Variants in INTS7 observed in about 807,000 individuals in gnomAD.
INTS7 encodes the protein chromosome 1 open reading frame 73.
Under a neutral mutation model 109.2 loss-of-function variants are expected in INTS7, and 46 were observed. That is an observed-to-expected ratio of 0.42 (90% CI 0.33 to 0.54). The LOEUF is 0.54. Ranked by LOEUF, INTS7 falls within the 20% of genes least tolerant of loss-of-function variation. The pLI is 0.07. For missense variants in INTS7, 929 were observed against 1,132.4 expected, an observed-to-expected ratio of 0.82 and a Z score of 2.58; for synonymous variants, 412 against 402.9, an observed-to-expected ratio of 1.02 and a Z score of -0.27.
At chr1:211,957,231 A>G (rs775864036) in intron 16 of INTS7, among the ~76,000 whole-genome samples, 1 of 152,150 alleles carries the variant, frequency 6.6e-6, no homozygotes, top group Non-Finnish European at 1.5e-5. Flanking sequence ...GAAGTGTCCA[A>G]AACTCTTACC....
intron 6 of INTS7, among the ~76,000 whole-genome samples, 157 bp downstream of exon 6, chr1:212,007,093 G>A (rs558927102): frequency 2.6e-4 from 40 of 151,656 alleles, no homozygotes; most frequent in Non-Finnish European, 5.2e-4. Context: ...TGTGAACAGA[G>A]AGAATAAAAA....
In INTS7 at chr1:211,942,637, T is replaced by C. The variant is rs1324725674; in HGVS notation, c.2602-526A>G. Among the ~76,000 whole-genome samples, 1 of 152,268 alleles carries C rather than the reference T, an allele frequency of 6.6e-6. No individual in the cohort carries two copies. The highest frequency in any genetic ancestry group is 2.1e-4 in the South Asian group (1 of 4,834). On this transcript the variant is annotated intron_variant, in intron 19 of 19. Transcript: ENST00000366994. This position sits in a 1 kb window ranked among gnomAD's most constrained non-coding sequence, Gnocchi z 4.2. ...GTCTGATTTTTATTACTTAATGTAG[T>C]GATTCCTTACTCCTTTAACAAATTA...
At chr1:211,944,754 T>C (rs1357291997) in intron 19 of INTS7, 30 bp downstream of exon 19, 1 of 1,570,512 alleles carries the variant, frequency 6.4e-7, no homozygotes, top group Non-Finnish European at 8.8e-7. Flanking sequence ...ATAAAACCTG[T>C]ATCACAATTC....
chr1:212,021,361 A>T (rs895059945), intron 1 of INTS7, 149 bp from the exon 2 acceptor site: 22 of 612,706 alleles, frequency 3.6e-5, no homozygotes, highest in Non-Finnish European at 4.9e-5. Context: ...TTTTAAAAGT[A>T]AAAATGGTAT....
At chr1:211,950,271 T>A (rs1051335947) in intron 17 of INTS7, among the ~76,000 whole-genome samples, 1 of 152,178 alleles carries the variant, frequency 6.6e-6, no homozygotes, top group African/African-American at 2.4e-5. Flanking sequence ...AATAACTTAC[T>A]TACTTACTTA....
chr1:212,020,959 T>A, intron 2 of INTS7, 124 bp downstream of exon 2: 3 of 858,720 alleles, frequency 3.5e-6, no homozygotes, highest in Non-Finnish European at 5.4e-6. Flanking sequence ...CACACAGTCA[T>A]GTGTGTCCAC....
In INTS7 at chr1:211,975,055, A is replaced by G. The variant is rs1438643604; in HGVS notation, c.1815+111T>C. ...GGTTAAGGGTTTATTTCCATGACCT[A>G]TTTCATATCAGCAGGTTTCTCAAGT... On this transcript the variant is annotated intron_variant, in intron 13 of 19. Transcript: ENST00000366994. The G allele has an allele frequency of 5.6e-6, 4 of 713,972 alleles. No homozygotes were observed. The Admixed American group carries it at 9.4e-5, about 17-fold the overall frequency. 44.2% of individuals were successfully genotyped at this position (713,972 alleles called of 1,614,324 possible). A position where few individuals can be genotyped will look rare whatever the true frequency, so the allele number is the denominator to read the frequency against.
At chr1:211,995,906 C>T (rs113082513) in intron 7 of INTS7, among the ~76,000 whole-genome samples, 3 of 152,302 alleles carry the variant, frequency 2.0e-5, no homozygotes, top group African/African-American at 7.2e-5. Flanking sequence ...TTTTAGACTT[C>T]CCAGCTTCCA....
chr1:211,956,808 A>G (rs12070369), intron 16 of INTS7, among the ~76,000 whole-genome samples: 48,245 of 152,084 alleles, frequency 0.32, 9,029 homozygotes, highest in Middle Eastern at 0.44. Flanking sequence ...TGGATATACT[A>G]CAATTTGTTT....
intron 1 of INTS7, among the ~76,000 whole-genome samples, chr1:212,025,250 A>G (rs1288856171): frequency 6.6e-6 from 1 of 152,216 alleles, no homozygotes; most frequent in African/African-American, 2.4e-5. Flanking sequence ...AACTTACTGT[A>G]TCATTCTATT....
At chr1:212,001,178 T>C (rs911117307) in intron 7 of INTS7, among the ~76,000 whole-genome samples, 8 of 151,474 alleles carry the variant, frequency 5.3e-5, no homozygotes, top group Non-Finnish European at 1.0e-4. Context: ...GCGATTCTCC[T>C]GCCTCAGCCT....
At chr1:212,005,876 ATATAG>A (rs1201927544) in intron 7 of INTS7, among the ~76,000 whole-genome samples, 1 of 152,192 alleles carries the variant, frequency 6.6e-6, no homozygotes, top group Non-Finnish European at 1.5e-5. Flanking sequence ...TCAAATCATA[ATATAG>A]TAAATTAAAA....
intron 3 of INTS7, among the ~76,000 whole-genome samples, chr1:212,019,829 G>A (rs1174302222): frequency 1.3e-5 from 2 of 152,198 alleles, no homozygotes; most frequent in African/African-American, 4.8e-5. Context: ...AAAATGTGCT[G>A]AGGCTAAGCT....
At chr1:211,954,713 G>A (rs1663282938) in intron 16 of INTS7, among the ~76,000 whole-genome samples, 1 of 152,190 alleles carries the variant, frequency 6.6e-6, no homozygotes, top group South Asian at 2.1e-4. Flanking sequence ...TTGTAGATAT[G>A]CGGCATTATT....
intron 16 of INTS7, among the ~76,000 whole-genome samples, chr1:211,954,062 T>C (rs1663242569): frequency 6.6e-6 from 1 of 152,188 alleles, no homozygotes; most frequent in South Asian, 2.1e-4. Context: ...CCAGCACCTG[T>C]TGTTTCCTGA....
chr1:211,974,212 T>C (rs1664298077), intron 13 of INTS7, among the ~76,000 whole-genome samples: 1 of 148,920 alleles, frequency 6.7e-6, no homozygotes, highest in Non-Finnish European at 1.5e-5. Context: ...AATTATATTT[T>C]TTAATTTTCT....
chr1:211,945,412 T>C (rs1662806025), intron 18 of INTS7, among the ~76,000 whole-genome samples: 2 of 152,200 alleles, frequency 1.3e-5, no homozygotes, highest in African/African-American at 4.8e-5. Flanking sequence ...CACTGTGCTA[T>C]AAAAAAAGTC....
intron 4 of INTS7, among the ~76,000 whole-genome samples, chr1:212,013,830 C>T (rs1037495652): frequency 1.3e-5 from 2 of 152,156 alleles, no homozygotes; most frequent in Non-Finnish European, 2.9e-5. Flanking sequence ...ACCATATAAC[C>T]TAGGTGTATA....
At chr1:211,964,076 T>C (rs1327357211) in intron 16 of INTS7, among the ~76,000 whole-genome samples, 2 of 152,266 alleles carry the variant, frequency 1.3e-5, no homozygotes, top group East Asian at 3.9e-4. Flanking sequence ...GACATGATAC[T>C]ATATCTAGGA....
Sources: gnomAD v4.1 joint callset for allele counts (sites outside exome capture counted in the v4.1 genomes callset) on GRCh38, gnomAD v4.1.1 for gene constraint, Gnocchi (gnomAD v3.1) non-coding constraint, MANE v1.5 for transcripts, NCBI Gene and HGNC (gene_info 2026-07-23, HGNC 2026-07-21) for gene names.